Variants in LZTFL1 observed in about 807,000 individuals in gnomAD.
LZTFL1 encodes the protein leucine zipper transcription factor like 1, also known as leucine zipper transcription factor-like protein 1.
Under a neutral mutation model 45.9 loss-of-function variants are expected in LZTFL1, and 25 were observed. The ratio of observed to expected loss-of-function variants is 0.54; its 90% CI spans 0.40 to 0.76. The LOEUF is 0.76. LZTFL1 is among the 30% of genes least tolerant of loss of function. The pLI is 0.00. For synonymous variants in LZTFL1, 93 were observed against 117.4 expected (o/e 0.79, Z 1.35); for missense variants, 277 against 331.1 (o/e 0.84, Z 1.27).
chr3:45,889,686 AT>A lies in LZTFL1; in HGVS notation c.-215+23433del, dbSNP rs199554946. Among the ~76,000 whole-genome samples the A allele has an allele frequency of 3.1e-3, 439 of 142,126 alleles. 2 individuals are homozygous for A. Among genetic ancestry groups the A allele is most frequent in the African/African-American group, 6.4e-3 (249 of 38,936 alleles). The allele number at this position is 142,126 out of a possible 152,430, so 93.2% of individuals were successfully genotyped here. A position where few individuals can be genotyped will look rare whatever the true frequency, so the allele number is the denominator to read the frequency against. ...AGCAGTGCAGTGTATGTCTTTTTCT[AT>A]TTTTTTTTTTTTAAAGATCACACAA... On this transcript the variant is annotated intron_variant, in intron 2 of 4. Coordinates refer to the LZTFL1 transcript ENST00000472635.
rs1700619492 is a variant in LZTFL1 at position 45,824,681 on chromosome 3, A to G, written c.*1633T>C. The G allele has an allele frequency of 7.6e-6, 3 of 396,554 alleles. No individual in the cohort carries two copies. The highest frequency in any genetic ancestry group is 1.3e-5 in the Non-Finnish European group (3 of 224,972). 24.6% of individuals were successfully genotyped at this position (396,554 alleles called of 1,614,324 possible). A position where few individuals can be genotyped will look rare whatever the true frequency, so the allele number is the denominator to read the frequency against. On this transcript the variant is annotated 3_prime_UTR_variant, in exon 10 of 10. Transcript: ENST00000296135. Reference sequence around the variant, plus strand: ...CAAAGGTGTAGGGAGAAAATAATTGAATGGTTTCTGAAGGCCACACTAGCC... The same window carrying G: ...CAAAGGTGTAGGGAGAAAATAATTGGATGGTTTCTGAAGGCCACACTAGCC...
At chr3:45,864,084 T>G (rs777612612) in intron 2 of LZTFL1, among the ~76,000 whole-genome samples, 7 of 152,204 alleles carry the variant, frequency 4.6e-5, no homozygotes, top group Non-Finnish European at 1.0e-4. Context: ...AGACTGACTG[T>G]GATGTTCAAG....
intron 1 of LZTFL1, among the ~76,000 whole-genome samples, chr3:45,839,250 G>A (rs114725786): frequency 0.013 from 1,984 of 152,154 alleles, 34 homozygotes; most frequent in African/African-American, 0.033. Flanking sequence ...CACCACGCCT[G>A]ACTCATTACT....
At chr3:45,865,988 C>T (rs1005358255) in intron 2 of LZTFL1, among the ~76,000 whole-genome samples, 8 of 152,132 alleles carry the variant, frequency 5.3e-5, no homozygotes, top group African/African-American at 1.4e-4. Context: ...CACATGACAA[C>T]GTGAATGCAT....
At chr3:45,828,256 C>A (rs1039164627) in intron 8 of LZTFL1, among the ~76,000 whole-genome samples, 183 bp downstream of exon 8, 2 of 152,024 alleles carry the variant, frequency 1.3e-5, no homozygotes, top group African/African-American at 2.4e-5. Context: ...ATTTTAGTAC[C>A]AAAGATGGAA....
rs1035305014 is a variant in LZTFL1 at position 45,826,328 on chromosome 3, C to G, written c.886G>C (p.Glu296Gln). Residue 296 changes from glutamate to glutamine, a missense_variant, in exon 10 of 10, where the codon GAA (glutamate) becomes CAA (glutamine). Coordinates refer to ENST00000296135, the MANE Select transcript of LZTFL1 (RefSeq NM_020347.4). ...KDLRKRLAQYEPED is the reference protein window; with the variant it reads ...KDLRKRLAQYQPED ...AATCTTCAGTTTTAATCTTCAGGTT[C>G]ATATCTGGAGATATAAATTAAGAAC... 5 of 1,611,428 alleles carry G rather than the reference C, an allele frequency of 3.1e-6. No homozygotes were observed. The Admixed American group carries it at 6.7e-5, about 22-fold the overall frequency.
At chr3:45,853,221 T>A (rs547083448) in intron 4 of LZTFL1, among the ~76,000 whole-genome samples, 1 of 152,322 alleles carries the variant, frequency 6.6e-6, no homozygotes, top group South Asian at 2.1e-4. Context: ...TTGAATTAGA[T>A]GTACTGGGCA....
chr3:45,876,941 G>A (rs892611830), intron 2 of LZTFL1, among the ~76,000 whole-genome samples: 7 of 152,086 alleles, frequency 4.6e-5, no homozygotes, highest in East Asian at 1.9e-4. Context: ...GCCTTCCTCC[G>A]GGCTCTCTTC....
At chr3:45,873,260 A>G (rs559231505) in intron 2 of LZTFL1, among the ~76,000 whole-genome samples, 12 of 152,292 alleles carry the variant, frequency 7.9e-5, no homozygotes, top group South Asian at 6.2e-4. Flanking sequence ...TGCATTTCCA[A>G]CAAGCTCCTA....
At chr3:45,854,597 C>G (rs1043065591) in intron 4 of LZTFL1, 4 of 155,114 alleles carry the variant, frequency 2.6e-5, no homozygotes, top group African/African-American at 9.6e-5. Flanking sequence ...CATCCCCAAC[C>G]ACACTTCTCA....
chr3:45,905,809 G>A (rs1053664153), intron 2 of LZTFL1, among the ~76,000 whole-genome samples: 4 of 152,316 alleles, frequency 2.6e-5, no homozygotes, highest in African/African-American at 4.8e-5. Context: ...GCTGTCACAC[G>A]TCACCATTTA....
intron 1 of LZTFL1, among the ~76,000 whole-genome samples, chr3:45,840,902 T>C (rs1264814024): frequency 3.9e-5 from 6 of 152,380 alleles, no homozygotes; most frequent in African/African-American, 1.4e-4. Context: ...TCACAGGTAC[T>C]GCACTGTTTA....
At chr3:45,830,785 C>T (rs1407162573) in intron 7 of LZTFL1, 128 bp downstream of exon 7, 8 of 774,208 alleles carry the variant, frequency 1.0e-5, no homozygotes, top group Non-Finnish European at 4.2e-6. Context: ...CAACACATGA[C>T]AATAGAGGCA....
chr3:45,880,086 C>A (rs1252295266), intron 2 of LZTFL1, among the ~76,000 whole-genome samples: 1 of 152,174 alleles, frequency 6.6e-6, no homozygotes, highest in Admixed American at 6.5e-5. Context: ...GTGGATCCTG[C>A]GGTGGCCTAG....
chr3:45,887,989 G>A (rs901383470), intron 2 of LZTFL1, among the ~76,000 whole-genome samples: 3 of 152,260 alleles, frequency 2.0e-5, no homozygotes, highest in African/African-American at 7.2e-5. Context: ...TGATGTTAGT[G>A]CTGTAAGCAT....
chr3:45,830,634 A>G (rs1309991805), intron 7 of LZTFL1, among the ~76,000 whole-genome samples: 1 of 151,460 alleles, frequency 6.6e-6, no homozygotes, highest in Non-Finnish European at 1.5e-5. Context: ...TTGTAGAAAA[A>G]CTTAAAAAAT....
intron 2 of LZTFL1, among the ~76,000 whole-genome samples, chr3:45,868,672 ACTCT>A (rs2125714590): frequency 6.6e-6 from 1 of 152,282 alleles, no homozygotes; most frequent in Non-Finnish European, 1.5e-5. Flanking sequence ...GGTAAACCCA[ACTCT>A]CTCTGATTCC....
intron 2 of LZTFL1, among the ~76,000 whole-genome samples, chr3:45,897,242 G>C (rs949785221): frequency 1.3e-5 from 2 of 152,184 alleles, no homozygotes; most frequent in African/African-American, 4.8e-5. Flanking sequence ...GACACAGGGG[G>C]TGTTGTTCCA....
intron 1 of LZTFL1, 50 bp downstream of exon 1, chr3:45,841,939 G>T: frequency 4.4e-6 from 7 of 1,602,854 alleles, no homozygotes; most frequent in Non-Finnish European, 6.0e-6. Flanking sequence ...TCCAGCCCCG[G>T]CCGCGCTCTC....
Sources: allele counts gnomAD v4.1 joint callset (sites outside exome capture counted in the v4.1 genomes callset), GRCh38; gene constraint gnomAD v4.1.1; transcripts MANE v1.5; gene names NCBI Gene and HGNC (gene_info 2026-07-23, HGNC 2026-07-21).